CD9: variants seen among roughly 807,000 people sequenced by gnomAD.
The protein encoded by CD9 is CD9 molecule, also known as CD9 antigen.
In CD9, 10 loss-of-function variants were observed where a neutral mutation model predicts 31.4. The observed-to-expected ratio is 0.32, with a 90% confidence interval of 0.20 to 0.54. The LOEUF (loss-of-function observed/expected upper bound fraction) is 0.54. Ranked by LOEUF, CD9 falls within the 20% of genes least tolerant of loss-of-function variation. CD9 has a pLI of 0.94. For synonymous variants in CD9, 113 were observed against 114.1 expected (o/e 0.99, Z 0.06); for missense variants, 259 against 300.1 (o/e 0.86, Z 1.01).
intron 1 of CD9, among the ~76,000 whole-genome samples, chr12:6,214,413 G>C (rs1946222400): frequency 7.3e-6 from 1 of 137,196 alleles, no homozygotes; most frequent in Admixed American, 7.9e-5. Context: ...GTGGCGCAGT[G>C]TCAACTCACT....
At chr12:6,214,931 A>G (rs752398763) in intron 1 of CD9, among the ~76,000 whole-genome samples, 2 of 151,968 alleles carry the variant, frequency 1.3e-5, no homozygotes, top group South Asian at 2.1e-4. Context: ...GCCCTTTACC[A>G]TGACTTCCTG....
intron 1 of CD9, among the ~76,000 whole-genome samples, chr12:6,222,260 C>A (rs1946301364): frequency 6.6e-6 from 1 of 152,176 alleles, no homozygotes; most frequent in Admixed American, 6.5e-5. Flanking sequence ...AGCATCCCCC[C>A]CGGCCGGTGA....
At chr12:6,208,548 GT>G (rs572201694) in intron 1 of CD9, among the ~76,000 whole-genome samples, 1 of 151,888 alleles carries the variant, frequency 6.6e-6, no homozygotes, top group Non-Finnish European at 1.5e-5. Flanking sequence ...AAGGATTTTA[GT>G]TTTTTTTGTT....
At chr12:6,213,183 C>T (rs777591135) in intron 1 of CD9, among the ~76,000 whole-genome samples, 2 of 152,188 alleles carry the variant, frequency 1.3e-5, no homozygotes, top group Non-Finnish European at 2.9e-5. Context: ...GCTGTAGTTG[C>T]TGCTACTGGT....
chr12:6,219,403 T>C (rs931118637), intron 1 of CD9, among the ~76,000 whole-genome samples: 1 of 152,226 alleles, frequency 6.6e-6, no homozygotes, highest in Admixed American at 6.5e-5. Context: ...AGGGAAATTG[T>C]TGTCATTCCC....
rs201150048 is a variant in CD9 at position 6,214,766 on chromosome 12, G to C, written c.67-10660G>C. On this transcript the variant is annotated intron_variant, in intron 1 of 7. Coordinates refer to ENST00000009180, the MANE Select transcript of CD9 (RefSeq NM_001769.4). ...GAGCACAGCCGGCTGCAGAATTCAG[G>C]GGGGAGGTTCTTACCAGGAGTGCCC... Among the ~76,000 whole-genome samples the C allele has an allele frequency of 4.2e-4, 64 of 152,242 alleles. 1 individual carries two copies. The highest frequency in any genetic ancestry group is 3.9e-3 in the Admixed American group (60 of 15,288).
chr12:6,201,306 C>G (rs888784678), intron 1 of CD9, among the ~76,000 whole-genome samples: 5 of 152,060 alleles, frequency 3.3e-5, no homozygotes, highest in African/African-American at 1.2e-4. Flanking sequence ...GGAGAGAACT[C>G]AGAGTTCGGG....
intron 1 of CD9, 35 bp from the exon 2 acceptor site, chr12:6,225,391 C>A: frequency 7.0e-7 from 1 of 1,421,648 alleles, no homozygotes; most frequent in Non-Finnish European, 1.0e-6. Flanking sequence ...TTGCTGGCAG[C>A]CAGAATTAAT....
At chr12:6,236,707 A>G in intron 7 of CD9, 2 of 386,908 alleles carry the variant, frequency 5.2e-6, no homozygotes, top group Middle Eastern at 6.7e-4. Context: ...CTCGCTAATC[A>G]GCCCCTAGAA....
At chr12:6,228,545 C>T (rs1214524275) in intron 2 of CD9, among the ~76,000 whole-genome samples, 5 of 106,046 alleles carry the variant, frequency 4.7e-5, no homozygotes, top group African/African-American at 1.2e-4. Flanking sequence ...GGAGACAGAG[C>T]GGGACTCCAT....
At chr12:6,208,064 A>G (rs1055169881) in intron 1 of CD9, among the ~76,000 whole-genome samples, 4 of 152,078 alleles carry the variant, frequency 2.6e-5, no homozygotes, top group African/African-American at 9.7e-5. Context: ...CTCTCTACTA[A>G]AAATGCAAAA....
chr12:6,231,663 T>G (rs905165897), intron 2 of CD9, among the ~76,000 whole-genome samples: 1 of 152,234 alleles, frequency 6.6e-6, no homozygotes, highest in African/African-American at 2.4e-5. Context: ...GGAATTTGCA[T>G]TGTTCTGGGT....
chr12:6,201,389 G>A (rs1228624350), intron 1 of CD9, among the ~76,000 whole-genome samples: 2 of 152,220 alleles, frequency 1.3e-5, no homozygotes, highest in Admixed American at 6.5e-5. Flanking sequence ...GGAGAGATCA[G>A]GTGCCAGCCA....
intron 2 of CD9, among the ~76,000 whole-genome samples, chr12:6,231,464 G>C (rs1946445918): frequency 1.3e-5 from 2 of 152,218 alleles, no homozygotes; most frequent in Admixed American, 1.3e-4. Flanking sequence ...GCAAGACAGG[G>C]AGGCACAGAG....
intron 1 of CD9, among the ~76,000 whole-genome samples, chr12:6,207,355 A>G (rs984265250): frequency 1.3e-5 from 2 of 152,214 alleles, no homozygotes; most frequent in Admixed American, 6.5e-5. Context: ...GAAATGATAA[A>G]TTCCCTAGTG....
Position 6,235,483 on chromosome 12 carries a change from G to T in CD9, c.455G>T (p.Cys152Phe). The change falls in exon 6 of 8, where the codon TGC becomes TTC. Residue 152 changes from cysteine (C) to phenylalanine (F), a missense_variant. By Grantham distance (205) the Cys-to-Phe change is radical. Coordinates refer to ENST00000009180, the MANE Select transcript of CD9 (RefSeq NM_001769.4). ...TLKAIHYALN[C>F]CGLAGGVEQF... ...CCTGCCTTCTCGCTGTAGTTGAACT[G>T]CTGTGGTTTGGCTGGGGGCGTGGAA... 1 of 1,614,042 alleles carries T rather than the reference G, an allele frequency of 6.2e-7. No individual in the cohort carries two copies. The highest frequency in any genetic ancestry group is 8.5e-7 in the Non-Finnish European group (1 of 1,179,900).
chr12:6,217,348 C>T (rs544817892), intron 1 of CD9, among the ~76,000 whole-genome samples: 1 of 151,674 alleles, frequency 6.6e-6, no homozygotes, highest in Non-Finnish European at 1.5e-5. Flanking sequence ...ACGGTGAAAC[C>T]CTGTCTCTAC....
chr12:6,230,933 C>T (rs904771317), intron 2 of CD9, among the ~76,000 whole-genome samples: 14 of 152,220 alleles, frequency 9.2e-5, no homozygotes, highest in Admixed American at 2.6e-4. Flanking sequence ...TCTCTGTGTG[C>T]ATTCTGCTCT....
intron 1 of CD9, among the ~76,000 whole-genome samples, chr12:6,213,284 A>G (rs1946210864): frequency 6.6e-6 from 1 of 152,188 alleles, no homozygotes; most frequent in Non-Finnish European, 1.5e-5. Context: ...ACCACATCAC[A>G]CAAGATCAGT....
Sources: allele counts gnomAD v4.1 joint callset (sites outside exome capture counted in the v4.1 genomes callset), GRCh38; gene constraint gnomAD v4.1.1; transcripts MANE v1.5; gene names NCBI Gene and HGNC (gene_info 2026-07-23, HGNC 2026-07-21).